Variants in PARP2 observed in about 807,000 individuals in gnomAD.
The protein encoded by PARP2 is poly(ADP-ribose) polymerase 2.
Under a neutral mutation model 77.8 loss-of-function variants are expected in PARP2, and 57 were observed. The observed-to-expected ratio is 0.73, with a 90% CI of 0.59 to 0.91. The LOEUF is 0.91. Among genes scored for constraint, PARP2 ranks in the 40% least tolerant of loss-of-function variants. PARP2 has a pLI of 0.00. For missense variants in PARP2, 651 were observed against 689.0 expected (o/e 0.94, Z 0.62); for synonymous variants, 226 against 242.6 (o/e 0.93, Z 0.64).
intron 9 of PARP2, chr14:20,355,359 T>C (rs942580097): frequency 1.1e-5 from 2 of 182,858 alleles, no homozygotes; most frequent in African/African-American, 4.7e-5. Context: ...TTACATCCGA[T>C]TTCTATTTCT....
In PARP2 at chr14:20,354,915, T is replaced by C; in HGVS notation, c.870T>C (p.Asn290=). 6.2e-7 allele frequency: 1 copy of C among 1,613,950 alleles called. No individual in the cohort carries two copies. The part of the protein sequence containing the change: ...QHGRALMEAC[N]EFYTRIPHDF... Reference sequence around the variant, plus strand: ...GACGAGCTCTCATGGAAGCATGCAATGAATTCTACACCAGGATTCCGCATG... The same window carrying C: ...GACGAGCTCTCATGGAAGCATGCAACGAATTCTACACCAGGATTCCGCATG... The change falls in exon 9 of 16, where the codon AAT becomes AAC. Residue 290 remains asparagine, a synonymous_variant. Coordinates refer to ENST00000429687, the MANE Select transcript of PARP2 (RefSeq NM_001042618.2).
Position 20,357,144 on chromosome 14 carries a change from T to C in PARP2, c.1423T>C (p.Ser475Pro), listed in dbSNP as rs752411615. 4 of 1,597,002 alleles carry C rather than the reference T, an allele frequency of 2.5e-6. No individual in the cohort carries two copies. Among genetic ancestry groups the C allele is most frequent in the South Asian group, 2.2e-5 (2 of 90,428 alleles). Residue 475 changes from serine to proline, a missense_variant, in exon 14 of 16, where the codon TCA becomes CCA. Physicochemically the swap from Ser to Pro is moderately conservative, Grantham distance 74. Transcript: ENST00000429687. ...RLKNTGLLLL[S>P]EVALGQCNEL... ...AAAGAATACAGGACTGCTGCTCTTA[T>C]CAGAGGTGAGACAGGAGTATGTCTG...
chr14:20,343,794 C>T (rs1160722902), intron 1 of PARP2, 107 bp downstream of exon 1: 6 of 1,215,078 alleles, frequency 4.9e-6, no homozygotes, highest in Non-Finnish European at 7.1e-6. Flanking sequence ...ATAACCTGCA[C>T]TTGGCTACCA....
chr14:20,351,189 ATT>A, intron 6 of PARP2, 67 bp downstream of exon 6: 8 of 1,293,818 alleles, frequency 6.2e-6, no homozygotes, highest in Admixed American at 2.0e-5. Flanking sequence ...TCTCTAAAAA[ATT>A]TTTTTTTAGA....
At chr14:20,352,549 A>ATTTTTTTTATTT in intron 7 of PARP2, 4 of 214,082 alleles carry the variant, frequency 1.9e-5, no homozygotes, top group Non-Finnish European at 2.3e-5. Flanking sequence ...TGCCCAGCTG[A>ATTTTTTTTATTT]TTTTTTTTCT....
rs771825887 is a variant in PARP2, at chr14:20,356,398, G to A, written c.1193G>A (p.Gly398Asp). 21 of 1,614,134 alleles carry A rather than the reference G, an allele frequency of 1.3e-5. No individual in the cohort carries two copies. The South Asian group carries it at 1.9e-4, about 14-fold the overall frequency. The change falls in exon 12 of 16, where the codon GGT becomes GAT. Residue 398 changes from glycine (G) to aspartate (D), a missense_variant. Transcript: ENST00000429687. ...GATTTGTTTGAAGTGGAGAAGGATGGTGAGAAAGAAGCCTTCAGAGAGGAC... is the reference window on the plus strand; with the variant it reads ...GATTTGTTTGAAGTGGAGAAGGATGATGAGAAAGAAGCCTTCAGAGAGGAC... The part of the protein sequence containing the change: ...LLDLFEVEKD[G>D]EKEAFREDLH...
At chr14:20,347,350 G>GTA (rs1883767956) in intron 4 of PARP2, among the ~76,000 whole-genome samples, 1 of 48,986 alleles carries the variant, frequency 2.0e-5, no homozygotes, top group African/African-American at 1.4e-4. Context: ...CTTCATATGT[G>GTA]TGTGTGTATA....
At chr14:20,347,474 G>A (rs533094953) in intron 4 of PARP2, among the ~76,000 whole-genome samples, 2 of 115,468 alleles carry the variant, frequency 1.7e-5, no homozygotes, top group African/African-American at 7.0e-5. Context: ...GGAATGCAGT[G>A]GTGCAATCTC....
intron 4 of PARP2, among the ~76,000 whole-genome samples, chr14:20,347,324 C>T (rs10134548): frequency 0.018 from 2,186 of 120,656 alleles, 83 homozygotes; most frequent in African/African-American, 0.068. Context: ...TAAGCCACCA[C>T]GCCTTGCCTA....
At chr14:20,351,179 T>A in intron 6 of PARP2, 57 bp downstream of exon 6, 1 of 1,428,374 alleles carries the variant, frequency 7.0e-7, no homozygotes, top group Non-Finnish European at 9.7e-7. Flanking sequence ...AGATGTATAT[T>A]CTCTAAAAAA....
chr14:20,356,995 T>G, intron 13 of PARP2, 56 bp from the exon 14 acceptor site: 1 of 1,091,386 alleles, frequency 9.2e-7, no homozygotes, highest in South Asian at 1.2e-5. Context: ...GGTATGCACC[T>G]TCTCTCTAAC....
chr14:20,352,248 C>T lies in PARP2; in HGVS notation c.501C>T (p.Phe167=), dbSNP rs769334284. ...NKAKEIFQKK[F]LDKTKNNWED... ...TCTTACACCTTGGACTCTACAGATT[C>T]CTTGACAAAACGAAAAACAATTGGG... Residue 167 remains phenylalanine, a synonymous_variant, in exon 7 of 16, where the codon TTC becomes TTT. Coordinates refer to ENST00000429687, the MANE Select transcript of PARP2 (RefSeq NM_001042618.2). The T allele has an allele frequency of 6.3e-7, 1 of 1,599,140 alleles. No homozygotes were observed. The highest frequency in any genetic ancestry group is 1.3e-5 in the African/African-American group (1 of 74,760).
intron 8 of PARP2, 74 bp from the exon 9 acceptor site, chr14:20,354,735 T>G: frequency 7.1e-7 from 1 of 1,401,434 alleles, no homozygotes; most frequent in Non-Finnish European, 9.7e-7. Flanking sequence ...AAAGTCTTTT[T>G]TAGGGAAGGA....
At position 20,354,949 on chromosome 14, in the gene PARP2, T is replaced by C; in HGVS notation, c.902+2T>C. 1 of 1,612,692 alleles carries C rather than the reference T, an allele frequency of 6.2e-7. No homozygotes were observed. Among genetic ancestry groups the C allele is most frequent in the Non-Finnish European group, 8.5e-7 (1 of 1,179,256 alleles). On this transcript the variant is annotated splice_donor_variant, in intron 9 of 15. Coordinates refer to ENST00000429687, the MANE Select transcript of PARP2 (RefSeq NM_001042618.2). LOFTEE classifies it high-confidence loss of function. ...CACCAGGATTCCGCATGACTTTGGG[T>C]AAGGCCTGTGCTGTTACTTCACTTT... is the stretch of plus-strand genomic sequence containing the variant.
At chr14:20,356,257 C>T (rs928543306) in intron 11 of PARP2, 50 bp from the exon 12 acceptor site, 14 of 1,600,074 alleles carry the variant, frequency 8.7e-6, no homozygotes, top group Non-Finnish European at 1.2e-5. Flanking sequence ...TTCAGTTCAG[C>T]TCAGTCTCTT....
intron 7 of PARP2, 23 bp downstream of exon 7, chr14:20,352,370 A>G: frequency 1.5e-6 from 2 of 1,358,146 alleles, no homozygotes; most frequent in East Asian, 2.3e-5. Flanking sequence ...ATACTTTTCG[A>G]AAGAAACACA....
At chr14:20,357,591 T>A (rs1884205641) in intron 15 of PARP2, 47 bp from the exon 16 acceptor site, 2 of 1,606,156 alleles carry the variant, frequency 1.2e-6, no homozygotes, top group Non-Finnish European at 1.7e-6. Flanking sequence ...CTATTGCAGC[T>A]TCTGAACCAG....
intron 3 of PARP2, among the ~76,000 whole-genome samples, chr14:20,345,727 G>A (rs995922418): frequency 6.6e-6 from 1 of 152,166 alleles, no homozygotes; most frequent in Non-Finnish European, 1.5e-5. Flanking sequence ...TATAAGAAAA[G>A]AGGTTCCTAG....
At chr14:20,353,327 C>T (rs3093913) in intron 7 of PARP2, among the ~76,000 whole-genome samples, 2,697 of 151,706 alleles carry the variant, frequency 0.018, 89 homozygotes, top group African/African-American at 0.062. Context: ...CTGCACGCTC[C>T]GCCTCTGGGT....
Sources: allele counts gnomAD v4.1 joint callset (sites outside exome capture counted in the v4.1 genomes callset), GRCh38; gene constraint gnomAD v4.1.1; transcripts MANE v1.5; gene names NCBI Gene and HGNC (gene_info 2026-07-23, HGNC 2026-07-21).